The following LAT variants were observed in gnomAD, a reference collection of about 807,000 sequenced individuals.
LAT encodes linker for activation of T cells, also known as linker for activation of T-cells family member 1.
LAT carries 12 observed loss-of-function variants against 39.1 expected under a neutral mutation model. The ratio of observed to expected loss-of-function variants is 0.31; its 90% CI spans 0.20 to 0.50. The LOEUF (loss-of-function observed/expected upper bound fraction) is 0.50. Among genes scored for constraint, LAT ranks in the 20% least tolerant of loss-of-function variants. The probability of loss-of-function intolerance (pLI) is 0.98; values close to 1 mark genes in which losing one functional copy is unlikely to be tolerated. For missense variants in LAT, 253 were observed against 308.0 expected (o/e 0.82, Z 1.34); for synonymous variants, 117 against 123.8 (o/e 0.95, Z 0.36).
At chr16:28,987,435 T>G (rs1339736013) in intron 8 of LAT, 2 of 152,516 alleles carry the variant, frequency 1.3e-5, no homozygotes, top group Non-Finnish European at 2.9e-5. Flanking sequence ...GAGGCTGTCT[T>G]GTGTGTCTGT....
At chr16:28,989,125 G>A (rs115616784) in intron 8 of LAT, 47,063 of 169,398 alleles carry the variant, frequency 0.28, 7,793 homozygotes, top group Non-Finnish European at 0.35. Flanking sequence ...GATGGGGGTC[G>A]GGGGGAGGAG....
Position 28,990,309 on chromosome 16 carries a change from A to G in LAT, c.*128A>G, listed in dbSNP as rs1416047938. On this transcript the variant is annotated 3_prime_UTR_variant, in exon 12 of 12. Coordinates refer to ENST00000395456, the MANE Select transcript of LAT (RefSeq NM_001014987.2). ...TGCTCCAGCCTGACAACAGCCTGAG[A>G]AATCCCCCCGTAACTTATTATCACT... 1 of 633,222 alleles carries G rather than the reference A, an allele frequency of 1.6e-6. No individual in the cohort carries two copies. Among genetic ancestry groups the G allele is most frequent in the East Asian group, 3.2e-5 (1 of 31,360 alleles). The allele number at this position is 633,222 out of a possible 1,614,324, so 39.2% of individuals were successfully genotyped here.
Position 28,985,660 on chromosome 16 carries a change from C to T in LAT, c.101-53C>T. On this transcript the variant is annotated intron_variant, in intron 1 of 11. Coordinates refer to ENST00000395456, the MANE Select transcript of LAT (RefSeq NM_001014987.2). The surrounding 1 kb of genome is among the most constrained non-coding windows in gnomAD (Gnocchi z 4.6). The stretch of plus-strand genomic sequence containing the variant: ...CTCTGAGAGTCCCTGGATCCCAGCA[C>T]CTTCTGCCCTAAGCACCCCCTGTTC... The T allele has an allele frequency of 6.2e-7, 1 of 1,612,968 alleles. No homozygotes were observed. The highest frequency in any genetic ancestry group is 1.3e-5 in the African/African-American group (1 of 74,996).
chr16:28,986,036 A>AG lies in LAT; in HGVS notation c.164-97dup. On this transcript the variant is annotated intron_variant, in intron 3 of 11. Coordinates refer to ENST00000395456, the MANE Select transcript of LAT (RefSeq NM_001014987.2). This position sits in a 1 kb window ranked among gnomAD's most constrained non-coding sequence, Gnocchi z 5.7. ...CTGGGAGAGGGGAGATGGCTCCCCC[A>AG]GGCCTGTCCAGGGTGTGGGGCTTTC... is the stretch of plus-strand genomic sequence containing the variant. The AG allele has an allele frequency of 7.3e-7, 1 of 1,366,028 alleles. No homozygotes were observed. The highest frequency in any genetic ancestry group is 1.0e-6 in the Non-Finnish European group (1 of 960,276). 84.6% of individuals were successfully genotyped at this position (1,366,028 alleles called of 1,614,324 possible). A position where few individuals can be genotyped will look rare whatever the true frequency, so the allele number is the denominator to read the frequency against.
chr16:28,986,592 C>A lies in LAT; in HGVS notation c.340+23C>A. ...AGGGTGCGTCTGGGATCCGAGGTGC[C>A]CAGGCTGGGTGGGGAGTCTGGGGTC... On this transcript the variant is annotated intron_variant, in intron 6 of 11. Coordinates refer to ENST00000395456, the MANE Select transcript of LAT (RefSeq NM_001014987.2). This position sits in a 1 kb window ranked among gnomAD's most constrained non-coding sequence, Gnocchi z 5.7. The A allele has an allele frequency of 6.2e-7, 1 of 1,613,590 alleles. No homozygotes were observed. The highest frequency in any genetic ancestry group is 1.7e-5 in the Admixed American group (1 of 59,974).
chr16:28,989,962 G>A lies in LAT; in HGVS notation c.652G>A (p.Val218Met). 6.2e-7 allele frequency: 1 copy of A among 1,613,950 alleles called. No individual in the cohort carries two copies. The highest frequency in any genetic ancestry group is 8.5e-7 in the Non-Finnish European group (1 of 1,180,000). The stretch of plus-strand genomic sequence containing the variant: ...CCTGAGTTCCCAGGAGGCAGAGGAA[G>A]TGGAGGAAGAGGGGGCTCCAGATTA... ...AALSSQEAEE[V>M]EEEGAPDYEN... Residue 218 changes from valine to methionine, a missense_variant, in exon 11 of 12, where the codon GTG becomes ATG. Physicochemically the swap from Val to Met is conservative, Grantham distance 21. Coordinates refer to ENST00000395456, the MANE Select transcript of LAT (RefSeq NM_001014987.2).
rs199717512 is a variant in LAT at position 28,986,819 on chromosome 16, C to T, written c.419C>T (p.Thr140Ile). Residue 140 changes from threonine (T) to isoleucine (I), a missense_variant, in exon 8 of 12, where the codon ACC becomes ATC. Physicochemically the swap from Thr to Ile is moderately conservative, Grantham distance 89. Transcript: ENST00000395456. This position sits in a 1 kb window ranked among gnomAD's most constrained non-coding sequence, Gnocchi z 5.7. ...PGYLVVLPDS[T>I]PATSTAAPSA... is the part of the protein sequence containing the mutation. Reference sequence around the variant, plus strand: ...TTCAGGGTGGTGCTTCCTGACAGCACCCCGGCCACTAGCACTGCTGCCCCA... The same window carrying T: ...TTCAGGGTGGTGCTTCCTGACAGCATCCCGGCCACTAGCACTGCTGCCCCA... The T allele has an allele frequency of 6.2e-6, 10 of 1,613,986 alleles. No homozygotes were observed. Among genetic ancestry groups the T allele is most frequent in the Non-Finnish European group, 8.5e-6 (10 of 1,179,908 alleles).
rs1172048535 is a variant in LAT, at chr16:28,985,129, G to A, written c.-289G>A. 1.2e-5 allele frequency: 17 copies of A among 1,427,242 alleles called. No individual in the cohort carries two copies. Among genetic ancestry groups the A allele is most frequent in the Non-Finnish European group, 1.6e-5 (17 of 1,095,806 alleles). The allele number at this position is 1,427,242 out of a possible 1,614,324, so 88.4% of individuals were successfully genotyped here. A position where few individuals can be genotyped will look rare whatever the true frequency, so the allele number is the denominator to read the frequency against. ...GAGGAGGGGCAGGTAGGGCTGGGACGCAGGGGTAACTGGATCCCCCGACTT... is the reference window on the plus strand; with the variant it reads ...GAGGAGGGGCAGGTAGGGCTGGGACACAGGGGTAACTGGATCCCCCGACTT... On this transcript the variant is annotated 5_prime_UTR_variant, in exon 1 of 12. Transcript: ENST00000395456. The surrounding 1 kb of genome is among the most constrained non-coding windows in gnomAD (Gnocchi z 4.6).
At position 28,986,995 on chromosome 16, in the gene LAT, G is replaced by GA; in HGVS notation, c.493+102_493+103insA. ...TGCAGCCTTGAACTCCTGGGCTCCA[G>GA]TGATCCTCCCAAGTAGGCTACTCGG... On this transcript the variant is annotated intron_variant, in intron 8 of 11. Transcript: ENST00000395456. The surrounding 1 kb of genome is among the most constrained non-coding windows in gnomAD (Gnocchi z 5.7). 1 of 966,040 alleles carries GA rather than the reference G, an allele frequency of 1.0e-6. No individual in the cohort carries two copies. The allele number at this position is 966,040 out of a possible 1,614,324, so 59.8% of individuals were successfully genotyped here.
intron 11 of LAT, 69 bp downstream of exon 11, chr16:28,990,088 C>T: frequency 7.6e-7 from 1 of 1,320,860 alleles, no homozygotes; most frequent in Non-Finnish European, 1.1e-6. Flanking sequence ...CCAGGACCCC[C>T]TTGCCCAACC....
chr16:28,986,037 G>T lies in LAT; in HGVS notation c.164-98G>T, dbSNP rs958113752. ...TGGGAGAGGGGAGATGGCTCCCCCA[G>T]GCCTGTCCAGGGTGTGGGGCTTTCA... On this transcript the variant is annotated intron_variant, in intron 3 of 11. Coordinates refer to ENST00000395456, the MANE Select transcript of LAT (RefSeq NM_001014987.2). This position sits in a 1 kb window ranked among gnomAD's most constrained non-coding sequence, Gnocchi z 5.7. 7.3e-7 allele frequency: 1 copy of T among 1,370,626 alleles called. No individual in the cohort carries two copies. The highest frequency in any genetic ancestry group is 1.0e-6 in the Non-Finnish European group (1 of 964,412). The allele number at this position is 1,370,626 out of a possible 1,614,324, so 84.9% of individuals were successfully genotyped here. A position where few individuals can be genotyped will look rare whatever the true frequency, so the allele number is the denominator to read the frequency against.
At position 28,986,991 on chromosome 16, in the gene LAT, TC is replaced by T; in HGVS notation, c.493+100del. 1 of 985,220 alleles carries T rather than the reference TC, an allele frequency of 1.0e-6. No homozygotes were observed. 61.0% of individuals were successfully genotyped at this position (985,220 alleles called of 1,614,324 possible). A position where few individuals can be genotyped will look rare whatever the true frequency, so the allele number is the denominator to read the frequency against. On this transcript the variant is annotated intron_variant, in intron 8 of 11. Transcript: ENST00000395456. This position sits in a 1 kb window ranked among gnomAD's most constrained non-coding sequence, Gnocchi z 5.7. ...TCGCTGCAGCCTTGAACTCCTGGGC[TC>T]CAGTGATCCTCCCAAGTAGGCTACT...
Position 28,986,419 on chromosome 16 carries a change from C to A in LAT, c.283C>A (p.Pro95Thr). 1 of 1,613,922 alleles carries A rather than the reference C, an allele frequency of 6.2e-7. No homozygotes were observed. Among genetic ancestry groups the A allele is most frequent in the South Asian group, 1.1e-5 (1 of 91,076 alleles). Residue 95 changes from proline to threonine, a missense_variant, in exon 5 of 12, where the codon CCA becomes ACA. Physicochemically the swap from Pro to Thr is conservative, Grantham distance 38. Coordinates refer to ENST00000395456, the MANE Select transcript of LAT (RefSeq NM_001014987.2). This position sits in a 1 kb window ranked among gnomAD's most constrained non-coding sequence, Gnocchi z 5.7. ...PQPLGGSHRTPSSRRDSDGAN... is the reference protein window; with the variant it reads ...PQPLGGSHRTTSSRRDSDGAN... ...GCCCCTTGGGGGCTCCCACCGGACG[C>A]CATCTTCCCGGCGGGATTCTGATGG...
chr16:28,989,708 C>T (rs972905045), intron 9 of LAT, 66 bp from the exon 10 acceptor site: 4 of 1,593,148 alleles, frequency 2.5e-6, no homozygotes, highest in Admixed American at 1.7e-5. Flanking sequence ...GTCTGGGCGT[C>T]CCCTTGCTCT....
Position 28,986,544 on chromosome 16 carries a change from C to A in LAT, c.315C>A (p.Asn105Lys), listed in dbSNP as rs764876352. 5 of 1,611,806 alleles carry A rather than the reference C, an allele frequency of 3.1e-6. No homozygotes were observed. The South Asian group carries it at 5.5e-5, about 18-fold the overall frequency. Residue 105 changes from asparagine (N) to lysine (K), a missense_variant, in exon 6 of 12, where the codon AAC becomes AAA. Physicochemically the swap from Asn to Lys is moderately conservative, Grantham distance 94. Transcript: ENST00000395456. This position sits in a 1 kb window ranked among gnomAD's most constrained non-coding sequence, Gnocchi z 5.7. ...PSSRRDSDGA[N>K]SVASYENEEP... ...CCTCTCACCCTCTCTTTGAAGCCAA[C>A]AGTGTGGCGAGCTACGAGAACGAGG...
chr16:28,986,386 T>A lies in LAT; in HGVS notation c.250T>A (p.Ser84Thr), dbSNP rs1965753478. ...CCCCTGACCTTTGACTCCCAGAAGA[T>A]CCCCGCAGCCCCTTGGGGGCTCCCA... ...SQPDLLPIPR[S>T]PQPLGGSHRT... The change falls in exon 5 of 12, where the codon TCC (serine) becomes ACC (threonine). Residue 84 changes from serine to threonine, a missense_variant. By Grantham distance (58) the Ser-to-Thr change is moderately conservative (BLOSUM62 1). Coordinates refer to ENST00000395456, the MANE Select transcript of LAT (RefSeq NM_001014987.2). The surrounding 1 kb of genome is among the most constrained non-coding windows in gnomAD (Gnocchi z 5.7). 2 of 1,613,562 alleles carry A rather than the reference T, an allele frequency of 1.2e-6. No homozygotes were observed. Among genetic ancestry groups the A allele is most frequent in the South Asian group, 2.2e-5 (2 of 91,070 alleles).
At position 28,989,596 on chromosome 16, in the gene LAT, G is replaced by A. The variant is rs1191947074; in HGVS notation, c.556+7G>A. 1 of 1,608,356 alleles carries A rather than the reference G, an allele frequency of 6.2e-7. No individual in the cohort carries two copies. Among genetic ancestry groups the A allele is most frequent in the East Asian group, 2.2e-5 (1 of 44,832 alleles). The stretch of plus-strand genomic sequence containing the variant: ...AGCGCAGAAGCGTCTCTGGGTGAGT[G>A]ACCGGTGCTTGTCGGTGCCTGCCCC... On this transcript the variant is annotated splice_region_variant and intron_variant, in intron 9 of 11. Coordinates refer to ENST00000395456, the MANE Select transcript of LAT (RefSeq NM_001014987.2).
rs755118992 is a variant in LAT, at chr16:28,986,914, T to C, written c.493+21T>C. On this transcript the variant is annotated intron_variant, in intron 8 of 11. Transcript: ENST00000395456. This position sits in a 1 kb window ranked among gnomAD's most constrained non-coding sequence, Gnocchi z 5.7. ...CTCCAGTGAGTCAGGCATTTGTTTT[T>C]ATTTTTAAATTTTTTTAGGGATAGG... The C allele has an allele frequency of 6.2e-7, 1 of 1,607,234 alleles. No homozygotes were observed. The highest frequency in any genetic ancestry group is 8.5e-7 in the Non-Finnish European group (1 of 1,175,764).
chr16:28,990,547 C>T lies in LAT; in HGVS notation c.*366C>T, dbSNP rs1965846827. On this transcript the variant is annotated 3_prime_UTR_variant, in exon 12 of 12. Coordinates refer to ENST00000395456, the MANE Select transcript of LAT (RefSeq NM_001014987.2). Reference sequence around the variant, plus strand: ...TGTGTATCTGTGGGTCTCCATCCTCCATGGGGGCTCAGCCAGGTGCTGTGA... The same window carrying T: ...TGTGTATCTGTGGGTCTCCATCCTCTATGGGGGCTCAGCCAGGTGCTGTGA... 4 of 259,158 alleles carry T rather than the reference C, an allele frequency of 1.5e-5. No individual in the cohort carries two copies. The highest frequency in any genetic ancestry group is 1.1e-4 in the South Asian group (3 of 27,146). 16.1% of individuals were successfully genotyped at this position (259,158 alleles called of 1,614,324 possible).
Sources: allele counts gnomAD v4.1 joint callset, GRCh38; gene constraint gnomAD v4.1.1; non-coding constraint Gnocchi (gnomAD v3.1); transcripts MANE v1.5; gene names NCBI Gene and HGNC (gene_info 2026-07-23, HGNC 2026-07-21).